AOAH: variants seen among roughly 807,000 people sequenced by gnomAD.
The protein encoded by AOAH is acyloxyacyl hydrolase.
Under a neutral mutation model 92.2 loss-of-function variants are expected in AOAH, and 64 were observed. That is an observed-to-expected ratio of 0.69 (90% CI 0.57 to 0.86). The LOEUF is 0.86. AOAH is among the 40% of genes least tolerant of loss of function. The pLI is 0.00. For missense variants in AOAH, 656 were observed against 694.6 expected (o/e 0.94, Z 0.62); for synonymous variants, 263 against 254.5 (o/e 1.03, Z -0.32).
chr7:36,581,260 T>C (rs1788909864), intron 12 of AOAH, among the ~76,000 whole-genome samples: 1 of 152,222 alleles, frequency 6.6e-6, no homozygotes, highest in African/African-American at 2.4e-5. Flanking sequence ...GCAGCTCTCC[T>C]GAATCTACTA....
chr7:36,542,910 AAAG>A (rs757003191), intron 15 of AOAH, among the ~76,000 whole-genome samples: 2 of 152,350 alleles, frequency 1.3e-5, no homozygotes, highest in Middle Eastern at 3.4e-3. Flanking sequence ...GAATAAAAAA[AAAG>A]AAGTAATTTG....
At chr7:36,596,222 A>T (rs944232232) in intron 11 of AOAH, among the ~76,000 whole-genome samples, 8 of 143,096 alleles carry the variant, frequency 5.6e-5, no homozygotes, top group African/African-American at 1.8e-4. Context: ...AACCACGGTT[A>T]ACAGTTTGTG....
rs1388122828 is a variant in AOAH at position 36,622,050 on chromosome 7, T to G, written c.583-270A>C. Among the ~76,000 whole-genome samples the G allele has an allele frequency of 2.0e-5, 3 of 152,112 alleles. No individual in the cohort carries two copies. The East Asian group carries it at 5.8e-4, about 29-fold the overall frequency. On this transcript the variant is annotated intron_variant, in intron 7 of 20. Transcript: ENST00000617537. ...GAATGTATGTGTGTGTGTGTGACAT[T>G]AAGTGCGTGCTTGTATGTGCATGTG...
intron 15 of AOAH, among the ~76,000 whole-genome samples, chr7:36,541,286 T>G (rs1275815512): frequency 1.3e-5 from 2 of 152,326 alleles, no homozygotes; most frequent in Non-Finnish European, 2.9e-5. Context: ...TAGAGGGTAT[T>G]TGAATTTTTA....
chr7:36,663,157 CTT>C (rs1795317818), intron 3 of AOAH, among the ~76,000 whole-genome samples: 1 of 152,104 alleles, frequency 6.6e-6, no homozygotes, highest in Non-Finnish European at 1.5e-5. Flanking sequence ...TTTAAAAAGA[CTT>C]TTTCTTTTGA....
chr7:36,684,189 C>A (rs1796823519), intron 2 of AOAH, among the ~76,000 whole-genome samples: 1 of 152,090 alleles, frequency 6.6e-6, no homozygotes, highest in African/African-American at 2.4e-5. Context: ...AGGAAACTAT[C>A]GAAGGTTACT....
intron 5 of AOAH, among the ~76,000 whole-genome samples, chr7:36,633,806 T>C (rs1176489883): frequency 6.6e-6 from 1 of 152,144 alleles, no homozygotes; most frequent in Non-Finnish European, 1.5e-5. Context: ...CCCAAGGCCC[T>C]ATCTCAGGGT....
At chr7:36,622,299 A>G (rs767138991) in intron 7 of AOAH, among the ~76,000 whole-genome samples, 1 of 152,226 alleles carries the variant, frequency 6.6e-6, no homozygotes, top group Non-Finnish European at 1.5e-5. Context: ...CTCTGGCTGT[A>G]AAACAATTGG....
At chr7:36,615,200 T>C (rs893332553) in intron 11 of AOAH, among the ~76,000 whole-genome samples, 16 of 152,162 alleles carry the variant, frequency 1.1e-4, no homozygotes, top group African/African-American at 3.9e-4. Flanking sequence ...TGCATAGGAG[T>C]TCAGTGCTGT....
In AOAH at chr7:36,594,978, A is replaced by G. The variant is rs575771542; in HGVS notation, c.847-548T>C. ...TGTATTTAACCTGGCCTGTGATTTC[A>G]GGAGGCTCACGGACCCCCTGCAACT... On this transcript the variant is annotated intron_variant, in intron 11 of 20. Coordinates refer to ENST00000617537, the MANE Select transcript of AOAH (RefSeq NM_001637.4). Among the ~76,000 whole-genome samples, 144 of 152,230 alleles carry G rather than the reference A, an allele frequency of 9.5e-4. 2 individuals carry two copies. The South Asian group carries it at 0.014, about 14-fold the overall frequency.
rs183339066 is a variant in AOAH, at chr7:36,562,017, T to C, written c.1022-12542A>G. Among the ~76,000 whole-genome samples, 14 of 152,314 alleles carry C rather than the reference T, an allele frequency of 9.2e-5. No homozygotes were observed. In the East Asian group the frequency reaches 2.7e-3, roughly 29 times the overall value. ...CTGTTCTTCTTTACCCAAATGTCTA[T>C]TTTTTATAGTAGGTGTCCATACTAT... On this transcript the variant is annotated intron_variant, in intron 13 of 20. Transcript: ENST00000617537.
chr7:36,516,202 TAC>T lies in AOAH; in HGVS notation c.1600-2824_1600-2823del, dbSNP rs1347992170. Among the ~76,000 whole-genome samples, 3 of 140,782 alleles carry T rather than the reference TAC, an allele frequency of 2.1e-5. No homozygotes were observed. The highest frequency in any genetic ancestry group is 4.6e-3 in the Middle Eastern group (1 of 216). The allele number at this position is 140,782 out of a possible 152,430, so 92.4% of individuals were successfully genotyped here. A position where few individuals can be genotyped will look rare whatever the true frequency, so the allele number is the denominator to read the frequency against. On this transcript the variant is annotated intron_variant, in intron 20 of 20. Transcript: ENST00000617537. This position sits in a 1 kb window ranked among gnomAD's most constrained non-coding sequence, Gnocchi z 5.0. ...CACACATACATACATCTCTCTTATA[TAC>T]ACACACACATCCTACACACACCCCA...
At chr7:36,662,292 T>A (rs1218796812) in intron 3 of AOAH, among the ~76,000 whole-genome samples, 1 of 152,234 alleles carries the variant, frequency 6.6e-6, no homozygotes, top group African/African-American at 2.4e-5. Context: ...TTTATCACCC[T>A]TTTGTGAGCA....
At chr7:36,539,762 C>T (rs913604561) in intron 16 of AOAH, among the ~76,000 whole-genome samples, 4 of 152,188 alleles carry the variant, frequency 2.6e-5, no homozygotes, top group Non-Finnish European at 4.4e-5. Context: ...TTAAGGATCA[C>T]ACCTTCCTAA....
chr7:36,613,172 G>A (rs887044043), intron 11 of AOAH, among the ~76,000 whole-genome samples: 3 of 152,166 alleles, frequency 2.0e-5, no homozygotes, highest in African/African-American at 7.2e-5. Flanking sequence ...GTCCTCATGT[G>A]AGAACAATAG....
At chr7:36,573,580 T>C (rs568619293) in intron 13 of AOAH, among the ~76,000 whole-genome samples, 6 of 152,190 alleles carry the variant, frequency 3.9e-5, no homozygotes, top group African/African-American at 1.4e-4. Flanking sequence ...TAGCTGAGCG[T>C]GGTGGCATGT....
intron 12 of AOAH, among the ~76,000 whole-genome samples, chr7:36,580,787 G>A (rs1562589682): frequency 2.6e-5 from 4 of 152,136 alleles, no homozygotes; most frequent in Admixed American, 2.6e-4. Flanking sequence ...CCTTTCTTGG[G>A]GAACCCTGCT....
chr7:36,514,464 A>G (rs985129754), intron 20 of AOAH: 1 of 1,529,818 alleles, frequency 6.5e-7, no homozygotes. Flanking sequence ...TCCCAGCCTG[A>G]GGCTTACTCT....
intron 20 of AOAH, among the ~76,000 whole-genome samples, chr7:36,517,661 C>A (rs1163518349): frequency 7.9e-6 from 1 of 127,202 alleles, no homozygotes; most frequent in Non-Finnish European, 1.6e-5. Flanking sequence ...AGTGTAGTGG[C>A]GTGATCTCGG....
Sources: gnomAD v4.1 joint callset for allele counts (sites outside exome capture counted in the v4.1 genomes callset) on GRCh38, gnomAD v4.1.1 for gene constraint, Gnocchi (gnomAD v3.1) non-coding constraint, MANE v1.5 for transcripts, NCBI Gene and HGNC (gene_info 2026-07-23, HGNC 2026-07-21) for gene names.